ATP2B2: variants seen among roughly 807,000 people sequenced by gnomAD.
ATP2B2 encodes plasma membrane calcium-transporting ATPase 2.
In ATP2B2, 15 loss-of-function variants were observed where a neutral mutation model predicts 120.0. The observed-to-expected ratio is 0.12, with a 90% confidence interval of 0.08 to 0.19. The LOEUF (loss-of-function observed/expected upper bound fraction) is 0.19. Ranked by LOEUF, ATP2B2 falls within the 10% of genes least tolerant of loss-of-function variation. ATP2B2 has a pLI of 1.00. For synonymous variants in ATP2B2, 694 were observed against 700.3 expected (o/e 0.99, Z 0.14); for missense variants, 1,045 against 1,719.8 (o/e 0.61, Z 6.94).
intron 1 of ATP2B2, among the ~76,000 whole-genome samples, chr3:10,666,967 AG>A (rs1220163459): frequency 6.6e-6 from 1 of 152,212 alleles, no homozygotes; most frequent in Non-Finnish European, 1.5e-5. Flanking sequence ...CCAGGCAACC[AG>A]GACTATTTCT....
chr3:10,356,673 G>A (rs2060740530), intron 14 of ATP2B2, among the ~76,000 whole-genome samples: 2 of 152,210 alleles, frequency 1.3e-5, no homozygotes, highest in African/African-American at 4.8e-5. Context: ...AAGGACAGGG[G>A]AGCCACAGGG....
intron 3 of ATP2B2, among the ~76,000 whole-genome samples, chr3:10,526,298 A>G (rs1288415310): frequency 6.6e-6 from 1 of 152,164 alleles, no homozygotes; most frequent in Non-Finnish European, 1.5e-5. Flanking sequence ...GAAGCAGAAG[A>G]CCCTTGAGCA....
chr3:10,478,937 T>G (rs901251631), intron 1 of ATP2B2, among the ~76,000 whole-genome samples: 5 of 152,262 alleles, frequency 3.3e-5, no homozygotes, highest in Admixed American at 2.6e-4. Context: ...TCTCACAAGA[T>G]CTCATGGTTT....
chr3:10,699,838 T>A (rs976704501), intron 1 of ATP2B2, among the ~76,000 whole-genome samples: 4 of 152,166 alleles, frequency 2.6e-5, no homozygotes, highest in Admixed American at 6.5e-5. Flanking sequence ...CCTTCACGCT[T>A]GCCTTTCCAC....
intron 1 of ATP2B2, among the ~76,000 whole-genome samples, chr3:10,683,760 G>GTGTGTGTATGTATATATATATA (rs1446781892): frequency 7.4e-5 from 4 of 53,908 alleles, no homozygotes; most frequent in African/African-American, 2.2e-4. Context: ...GTGTGTGTGT[G>GTGTGTGTATGTATATATATATA]TATATATATA....
chr3:10,415,275 G>A (rs1369131159), intron 2 of ATP2B2, among the ~76,000 whole-genome samples: 1 of 152,212 alleles, frequency 6.6e-6, no homozygotes, highest in African/African-American at 2.4e-5. Flanking sequence ...CTGGCACCGG[G>A]TAGATGTACT....
At position 10,327,499 on chromosome 3, in the gene ATP2B2, T is replaced by C. The variant is rs140050307; in HGVS notation, c.*1315A>G. ...TCATCCAATATGCCAACAGCTCAGA[T>C]GCTGCCATTAATAAGGAAACAAACC... On this transcript the variant is annotated 3_prime_UTR_variant, in exon 23 of 23. Coordinates refer to ENST00000360273, the MANE Select transcript of ATP2B2 (RefSeq NM_001001331.4). 127 of 152,644 alleles carry C rather than the reference T, an allele frequency of 8.3e-4. No homozygotes were observed. The highest frequency in any genetic ancestry group is 3.0e-3 in the African/African-American group (123 of 41,542). 9.5% of individuals were successfully genotyped at this position (152,644 alleles called of 1,614,324 possible). A position where few individuals can be genotyped will look rare whatever the true frequency, so the allele number is the denominator to read the frequency against.
At chr3:10,501,194 C>T (rs544044565) in intron 1 of ATP2B2, among the ~76,000 whole-genome samples, 3 of 152,274 alleles carry the variant, frequency 2.0e-5, no homozygotes, top group African/African-American at 7.2e-5. Context: ...CTCTCTGACC[C>T]TGCAGAGATT....
intron 3 of ATP2B2, among the ~76,000 whole-genome samples, chr3:10,530,909 G>T (rs917803688): frequency 2.0e-5 from 3 of 152,202 alleles, no homozygotes; most frequent in African/African-American, 7.2e-5. Flanking sequence ...AGTTAGAAAG[G>T]GTTTCTGCTG....
At chr3:10,360,347 A>G (rs1459027402) in intron 12 of ATP2B2, among the ~76,000 whole-genome samples, 1 of 152,254 alleles carries the variant, frequency 6.6e-6, no homozygotes, top group African/African-American at 2.4e-5. Flanking sequence ...CTTTTAAAAA[A>G]ATTATGAATT....
chr3:10,414,597 C>T (rs962515402), intron 2 of ATP2B2, among the ~76,000 whole-genome samples: 4 of 152,208 alleles, frequency 2.6e-5, no homozygotes, highest in African/African-American at 7.2e-5. Flanking sequence ...AGAAGCTGGA[C>T]ATCTGGAATT....
chr3:10,582,841 G>A (rs181222827), intron 2 of ATP2B2, among the ~76,000 whole-genome samples: 6 of 152,338 alleles, frequency 3.9e-5, no homozygotes, highest in Non-Finnish European at 8.8e-5. Flanking sequence ...ACCAAGGGCA[G>A]CCACACCACA....
chr3:10,403,619 T>C (rs564731420), intron 3 of ATP2B2, among the ~76,000 whole-genome samples: 11 of 152,282 alleles, frequency 7.2e-5, no homozygotes, highest in African/African-American at 2.4e-4. Flanking sequence ...GGAGCGGCCA[T>C]TTCCATGGAA....
chr3:10,330,607 C>T (rs2059953034), intron 22 of ATP2B2, among the ~76,000 whole-genome samples: 1 of 152,246 alleles, frequency 6.6e-6, no homozygotes. Flanking sequence ...AAGTGGCACC[C>T]ACCTGCAGAG....
At chr3:10,336,286 A>G (rs745686090) in intron 22 of ATP2B2, 2 of 1,550,588 alleles carry the variant, frequency 1.3e-6, no homozygotes, top group Non-Finnish European at 1.7e-6. Context: ...TCTTGAAAGT[A>G]TTGACTACTT....
rs550188886 is a variant in ATP2B2 at position 10,456,638 on chromosome 3, A to C, written c.-319-6776T>G. On this transcript the variant is annotated intron_variant, in intron 1 of 22. Transcript: ENST00000360273. ...TCGCTCCCAGACCAGCATGTACCCC[A>C]TAGTGCCATATTTCAAAGGGAACTC... Among the ~76,000 whole-genome samples the C allele has an allele frequency of 5.3e-5, 8 of 152,334 alleles. 1 individual carries two copies. The South Asian group carries it at 1.7e-3, about 32-fold the overall frequency.
intron 1 of ATP2B2, among the ~76,000 whole-genome samples, chr3:10,669,576 G>A (rs1421226428): frequency 6.6e-6 from 1 of 152,088 alleles, no homozygotes; most frequent in African/African-American, 2.4e-5. Flanking sequence ...GTAGACTCTG[G>A]GTCAGTGAGC....
intron 2 of ATP2B2, among the ~76,000 whole-genome samples, chr3:10,447,362 G>A (rs1024701275): frequency 2.0e-5 from 3 of 152,230 alleles, no homozygotes; most frequent in Non-Finnish European, 4.4e-5. Context: ...GAACTTGGCC[G>A]TGAGCTGCTC....
chr3:10,496,399 T>C (rs1368610656), intron 1 of ATP2B2, among the ~76,000 whole-genome samples: 1 of 152,092 alleles, frequency 6.6e-6, no homozygotes, highest in Admixed American at 6.5e-5. Flanking sequence ...GCACACAGCA[T>C]CCCACTCAGA....
Sources: allele counts gnomAD v4.1 joint callset (sites outside exome capture counted in the v4.1 genomes callset), GRCh38; gene constraint gnomAD v4.1.1; transcripts MANE v1.5; gene names NCBI Gene and HGNC (gene_info 2026-07-23, HGNC 2026-07-21).